SLC71A2: variants seen among roughly 807,000 people sequenced by gnomAD.
SLC71A2 encodes the protein hippocampus abundant transcript-like 1.
the SLC71A2 span, among the ~76,000 whole-genome samples, chr9:94,378,143 G>A: frequency 1.3e-5 from 2 of 149,962 alleles, no homozygotes; most frequent in African/African-American, 4.9e-5. Context: ...AAAAAAAGGA[G>A]GTGTATGTTA....
the SLC71A2 span, among the ~76,000 whole-genome samples, chr9:94,424,000 A>G: frequency 6.6e-6 from 1 of 152,316 alleles, no homozygotes; most frequent in African/African-American, 2.4e-5. Flanking sequence ...ATCATCCAGA[A>G]AGATCATTGT....
chr9:94,401,666 A>G, the SLC71A2 span, among the ~76,000 whole-genome samples: 173 of 152,026 alleles, frequency 1.1e-3, no homozygotes, highest in African/African-American at 2.3e-3. Flanking sequence ...TTCCATCTTC[A>G]GTGTGTTGAT....
the SLC71A2 span, among the ~76,000 whole-genome samples, chr9:94,391,259 C>T: frequency 2.1e-5 from 3 of 146,026 alleles, no homozygotes; most frequent in Admixed American, 1.4e-4. Context: ...GTCCCAGCTA[C>T]TTGGGAGGCA....
chr9:94,378,661 C>CA, the SLC71A2 span, among the ~76,000 whole-genome samples: 9 of 152,114 alleles, frequency 5.9e-5, no homozygotes, highest in African/African-American at 1.9e-4. Flanking sequence ...AGCGAGGACT[C>CA]ACTCATTACT....
chr9:94,403,726 A>AT, the SLC71A2 span, among the ~76,000 whole-genome samples: 1 of 152,020 alleles, frequency 6.6e-6, no homozygotes, highest in East Asian at 1.9e-4. Context: ...TCTATTTTTA[A>AT]TTTTTTGAGT....
chr9:94,458,204 C>T, the SLC71A2 span: 1 of 708,722 alleles, frequency 1.4e-6, no homozygotes, highest in East Asian at 3.1e-5. Flanking sequence ...AGCATGCTTT[C>T]TCTTTTCCTC....
At chr9:94,403,262 A>C in the SLC71A2 span, among the ~76,000 whole-genome samples, 2 of 152,042 alleles carry the variant, frequency 1.3e-5, no homozygotes, top group Admixed American at 6.5e-5. Context: ...TCAGCCTCTC[A>C]AGTAGCTGGG....
the SLC71A2 span, chr9:94,451,516 A>G: frequency 6.4e-6 from 10 of 1,559,840 alleles, no homozygotes; most frequent in South Asian, 2.4e-5. Flanking sequence ...AATTCTGTCT[A>G]TTGTGGCTCA....
the SLC71A2 span, among the ~76,000 whole-genome samples, chr9:94,444,187 T>C: frequency 1.3e-5 from 2 of 152,236 alleles, no homozygotes; most frequent in Non-Finnish European, 2.9e-5. Flanking sequence ...CCGATAAGCA[T>C]CTGACCATCC....
chr9:94,453,625 G>A, the SLC71A2 span, among the ~76,000 whole-genome samples: 1 of 152,232 alleles, frequency 6.6e-6, no homozygotes, highest in Non-Finnish European at 1.5e-5. Context: ...ATATTTAAGT[G>A]ATTAGTATTT....
At chr9:94,414,484 A>G in the SLC71A2 span, among the ~76,000 whole-genome samples, 1 of 152,192 alleles carries the variant, frequency 6.6e-6, no homozygotes, top group African/African-American at 2.4e-5. Context: ...ACCCATACCC[A>G]TCTCTCTTAT....
the SLC71A2 span, among the ~76,000 whole-genome samples, chr9:94,431,174 G>A: frequency 2.6e-5 from 4 of 152,090 alleles, no homozygotes; most frequent in Non-Finnish European, 5.9e-5. Flanking sequence ...TTAGCTGGTC[G>A]TGGTGGCGGG....
the SLC71A2 span, among the ~76,000 whole-genome samples, chr9:94,379,826 A>G: frequency 6.6e-6 from 1 of 152,256 alleles, no homozygotes; most frequent in Non-Finnish European, 1.5e-5. Flanking sequence ...GAACTAGAAT[A>G]TCCAGGAAAG....
At chr9:94,410,406 T>A in the SLC71A2 span, among the ~76,000 whole-genome samples, 6 of 36,190 alleles carry the variant, frequency 1.7e-4, no homozygotes, top group Non-Finnish European at 2.7e-4. Context: ...CTGGGCCTAT[T>A]TTTTTCCCCC....
chr9:94,379,089 C>CT, the SLC71A2 span, among the ~76,000 whole-genome samples: 956 of 84,098 alleles, frequency 0.011, 117 homozygotes, highest in African/African-American at 0.035. Flanking sequence ...TGTGCATTTC[C>CT]TTTTTTTTTT....
At chr9:94,445,169 C>A in the SLC71A2 span, 1 of 1,612,082 alleles carries the variant, frequency 6.2e-7, no homozygotes, top group Non-Finnish European at 8.5e-7. Flanking sequence ...TGGAAACAAG[C>A]AGACCCTTTT....
At chr9:94,456,229 TG>T in the SLC71A2 span, 1 of 1,610,830 alleles carries the variant, frequency 6.2e-7, no homozygotes, top group Non-Finnish European at 8.5e-7. Flanking sequence ...GTGCCTGTCC[TG>T]TCATTGCAGG....
At chr9:94,407,361 GAA>G in the SLC71A2 span, among the ~76,000 whole-genome samples, 1 of 151,574 alleles carries the variant, frequency 6.6e-6, no homozygotes, top group Non-Finnish European at 1.5e-5. Flanking sequence ...TGTGCATAAG[GAA>G]AATTGGTCTG....
chr9:94,379,089 C>CTTTTTTTTTTTTTTTTTTT, the SLC71A2 span, among the ~76,000 whole-genome samples: 23 of 84,086 alleles, frequency 2.7e-4, no homozygotes, highest in African/African-American at 9.5e-4. Context: ...TGTGCATTTC[C>CTTTTTTTTTTTTTTTTTTT]TTTTTTTTTT....
Sources: gnomAD v4.1 joint callset for allele counts (sites outside exome capture counted in the v4.1 genomes callset) on GRCh38, gnomAD v4.1.1 for gene constraint, MANE v1.5 for transcripts, NCBI Gene and HGNC (gene_info 2026-07-23, HGNC 2026-07-21) for gene names.